Variants in GLI3 observed in about 807,000 individuals in gnomAD.
GLI3 encodes the protein transcription activator GLI3.
GLI3 carries 20 observed loss-of-function variants against 100.8 expected under a neutral mutation model. That is an observed-to-expected ratio of 0.20 (90% CI 0.14 to 0.29). The LOEUF (loss-of-function observed/expected upper bound fraction) is 0.29. Among genes scored for constraint, GLI3 ranks in the 10% least tolerant of loss-of-function variants. GLI3 has a pLI of 1.00. For synonymous variants in GLI3, 938 were observed against 860.5 expected, an observed-to-expected ratio of 1.09 and a Z score of -1.58; for missense variants, 2,040 against 2,128.5, an observed-to-expected ratio of 0.96 and a Z score of 0.82.
At chr7:42,061,911 G>C (rs2128747363) in intron 4 of GLI3, among the ~76,000 whole-genome samples, 1 of 152,244 alleles carries the variant, frequency 6.6e-6, no homozygotes, top group Non-Finnish European at 1.5e-5. Context: ...ACAGCATCAT[G>C]GAGGACTGAA....
rs1047653107 is a variant in GLI3 at position 41,963,366 on chromosome 7, G to T, written c.*964C>A. The T allele has an allele frequency of 3.3e-5, 5 of 152,222 alleles. No individual in the cohort carries two copies. Among genetic ancestry groups the T allele is most frequent in the African/African-American group, 9.6e-5 (4 of 41,456 alleles). 9.4% of individuals were successfully genotyped at this position (152,222 alleles called of 1,614,324 possible). A position where few individuals can be genotyped will look rare whatever the true frequency, so the allele number is the denominator to read the frequency against. Reference sequence around the variant, plus strand: ...CAATTCTCAGTTAAAATGGGAAAGAGATGGAACTAATCAACAAACACAGCA... The same window carrying T: ...CAATTCTCAGTTAAAATGGGAAAGATATGGAACTAATCAACAAACACAGCA... On this transcript the variant is annotated 3_prime_UTR_variant, in exon 15 of 15. Coordinates refer to ENST00000395925, the MANE Select transcript of GLI3 (RefSeq NM_000168.6).
At chr7:42,161,290 A>G (rs2128793737) in intron 2 of GLI3, among the ~76,000 whole-genome samples, 2 of 152,316 alleles carry the variant, frequency 1.3e-5, no homozygotes, top group Middle Eastern at 3.4e-3. Context: ...GTCCATAAAT[A>G]ATGTTTTGTT....
rs773724419 is a variant in GLI3 at position 42,148,323 on chromosome 7, G to A, written c.270C>T (p.Ile90=). The change falls in exon 3 of 15, where the codon ATC becomes ATT. Residue 90 remains isoleucine, a synonymous_variant. Transcript: ENST00000395925. ...CCGCCACGTGTGGCAGGGACCCATGGATCTCTTTCTTGATCAATGAGGCCC... is the reference window on the plus strand; with the variant it reads ...CCGCCACGTGTGGCAGGGACCCATGAATCTCTTTCTTGATCAATGAGGCCC... ...DERASLIKKE[I]HGSLPHVAEP... is the part of the protein sequence containing the mutation. 4 of 1,613,692 alleles carry A rather than the reference G, an allele frequency of 2.5e-6. No individual in the cohort carries two copies. The highest frequency in any genetic ancestry group is 3.4e-6 in the Non-Finnish European group (4 of 1,179,816).
At chr7:42,207,138 C>G (rs1465651264) in intron 2 of GLI3, among the ~76,000 whole-genome samples, 1 of 152,066 alleles carries the variant, frequency 6.6e-6, no homozygotes, top group Non-Finnish European at 1.5e-5. Context: ...ATATGCATAC[C>G]CTAGGAGACA....
chr7:42,053,254 C>T (rs535908079), intron 4 of GLI3, among the ~76,000 whole-genome samples: 2 of 152,358 alleles, frequency 1.3e-5, no homozygotes, highest in East Asian at 3.9e-4. Context: ...GCCTCGGCCT[C>T]CCAAAGTGCT....
intron 2 of GLI3, among the ~76,000 whole-genome samples, chr7:42,152,749 T>C (rs1786903632): frequency 6.6e-6 from 1 of 152,184 alleles, no homozygotes; most frequent in Non-Finnish European, 1.5e-5. Context: ...CAGCTTCAAT[T>C]ACAAGACAAA....
At chr7:42,082,151 G>C (rs980812554) in intron 3 of GLI3, among the ~76,000 whole-genome samples, 1 of 151,762 alleles carries the variant, frequency 6.6e-6, no homozygotes, top group African/African-American at 2.4e-5. Flanking sequence ...GCAGGAGAGG[G>C]AGAGAAGAGG....
intron 4 of GLI3, among the ~76,000 whole-genome samples, chr7:42,059,040 T>C (rs1010140490): frequency 1.1e-4 from 16 of 152,246 alleles, no homozygotes; most frequent in African/African-American, 3.9e-4. Flanking sequence ...AGCATGGGAC[T>C]GCGTTCTATC....
At chr7:42,116,535 C>T (rs938761377) in intron 3 of GLI3, among the ~76,000 whole-genome samples, 4 of 150,160 alleles carry the variant, frequency 2.7e-5, no homozygotes, top group South Asian at 2.1e-4. Flanking sequence ...TTTCTAAATA[C>T]GTGGGGATCT....
At chr7:42,187,312 A>C (rs1253071813) in intron 2 of GLI3, among the ~76,000 whole-genome samples, 1 of 152,138 alleles carries the variant, frequency 6.6e-6, no homozygotes, top group Non-Finnish European at 1.5e-5. Flanking sequence ...TTTCTTTTGA[A>C]AATGTTACAG....
chr7:42,128,587 TAAG>T (rs1342932602), intron 3 of GLI3, among the ~76,000 whole-genome samples: 1 of 152,156 alleles, frequency 6.6e-6, no homozygotes, highest in Non-Finnish European at 1.5e-5. Flanking sequence ...TGTAAAATCA[TAAG>T]GAGAATAAAA....
chr7:42,162,369 C>CT (rs1043932228), intron 2 of GLI3, among the ~76,000 whole-genome samples: 3 of 152,178 alleles, frequency 2.0e-5, no homozygotes, highest in African/African-American at 7.2e-5. Flanking sequence ...AATGTTGCAC[C>CT]TTTGGTTTAA....
intron 2 of GLI3, among the ~76,000 whole-genome samples, chr7:42,180,502 G>C (rs1332420221): frequency 1.3e-5 from 2 of 152,236 alleles, no homozygotes; most frequent in Non-Finnish European, 2.9e-5. Flanking sequence ...TGTGTATCCT[G>C]ATGGAGCAAT....
intron 2 of GLI3, among the ~76,000 whole-genome samples, chr7:42,170,138 G>A (rs1481786497): frequency 6.6e-6 from 1 of 150,794 alleles, no homozygotes; most frequent in Non-Finnish European, 1.5e-5. Flanking sequence ...TGTAATCCCA[G>A]CTACTCAGGA....
Position 41,966,246 on chromosome 7 carries a change from T to A in GLI3, c.2827A>T (p.Thr943Ser). 1 of 1,608,332 alleles carries A rather than the reference T, an allele frequency of 6.2e-7. No homozygotes were observed. The highest frequency in any genetic ancestry group is 1.1e-5 in the South Asian group (1 of 91,010). The change falls in exon 15 of 15, where the codon ACG becomes TCG. Residue 943 changes from threonine (T) to serine (S), a missense_variant. Around this residue, in one of 5 missense-constraint regions of GLI3, gnomAD observed 1,041 missense variants for 924.0 expected, o/e 1.13. Coordinates refer to ENST00000395925, the MANE Select transcript of GLI3 (RefSeq NM_000168.6). The surrounding 1 kb of genome is among the most constrained non-coding windows in gnomAD (Gnocchi z 5.8). ...ATCCTCTCCATGTTGGGCAGGGGCG[T>A]CGGCGGCGGCCCTCCTGTGGCAGCC... ...YAAATGGPPP[T>S]PLPNMERMSL...
In GLI3 at chr7:41,964,565, T is replaced by A. The variant is rs1359183911; in HGVS notation, c.4508A>T (p.Gln1503Leu). The change falls in exon 15 of 15, where the codon CAG (glutamine) becomes CTG (leucine). Residue 1503 changes from glutamine (Q) to leucine (L), a missense_variant. Gln to Leu is a moderately radical substitution (Grantham distance 113). Coordinates refer to ENST00000395925, the MANE Select transcript of GLI3 (RefSeq NM_000168.6). The part of the protein sequence containing the change: ...SLDSHDLEGV[Q>L]IDFDAIIDDG... The stretch of plus-strand genomic sequence containing the variant: ...GTCTATGATGGCATCGAAGTCAATC[T>A]GTACCCCTTCCAGGTCATGGCTGTC... 1.9e-5 allele frequency: 30 copies of A among 1,613,954 alleles called. 1 individual carries two copies. In the Admixed American group the frequency reaches 5.0e-4, roughly 27 times the overall value.
At chr7:42,056,608 AAGAAAT>A (rs1238561867) in intron 4 of GLI3, among the ~76,000 whole-genome samples, 1 of 152,174 alleles carries the variant, frequency 6.6e-6, no homozygotes, top group East Asian at 1.9e-4. Flanking sequence ...GAGAAGGGAA[AAGAAAT>A]ATTTGTTTTA....
intron 1 of GLI3, among the ~76,000 whole-genome samples, chr7:42,236,092 G>A (rs905320883): frequency 6.6e-6 from 1 of 152,144 alleles, no homozygotes. Context: ...GGAGCACAAA[G>A]TTCAGGAAAG....
intron 5 of GLI3, among the ~76,000 whole-genome samples, chr7:42,047,370 C>T (rs1204015613): frequency 1.3e-5 from 2 of 152,154 alleles, no homozygotes; most frequent in African/African-American, 2.4e-5. Flanking sequence ...CTCAGGAAGG[C>T]GTCTACCTAG....
Sources: gnomAD v4.1 joint callset for allele counts (sites outside exome capture counted in the v4.1 genomes callset) on GRCh38, gnomAD v4.1.1 for gene constraint, gnomAD v4.1.1 regional missense constraint, Gnocchi (gnomAD v3.1) non-coding constraint, MANE v1.5 for transcripts, NCBI Gene and HGNC (gene_info 2026-07-23, HGNC 2026-07-21) for gene names.